RBFOX1: variants seen among roughly 807,000 people sequenced by gnomAD.
RBFOX1 encodes the protein RNA binding protein fox-1 homolog 1.
RBFOX1 carries 8 observed loss-of-function variants against 57.7 expected under a neutral mutation model. That is an observed-to-expected ratio of 0.14 (90% CI 0.08 to 0.25). RBFOX1 has a LOEUF of 0.25. Ranked by LOEUF, RBFOX1 falls within the 10% of genes least tolerant of loss-of-function variation. The pLI, the probability that RBFOX1 is intolerant of heterozygous loss-of-function variation, is 1.00. For synonymous variants in RBFOX1, 326 were observed against 222.4 expected, an observed-to-expected ratio of 1.47 and a Z score of -4.15; for missense variants, 611 against 548.5, an observed-to-expected ratio of 1.11 and a Z score of -1.14.
intron 4 of RBFOX1, among the ~76,000 whole-genome samples, chr16:7,176,876 TG>T (rs552104267): frequency 2.6e-5 from 4 of 152,114 alleles, no homozygotes; most frequent in East Asian, 1.9e-4. Flanking sequence ...AAAGCAGGAA[TG>T]GGGGGAGAGG....
chr16:5,959,470 C>T (rs542933789), intron 4 of RBFOX1, among the ~76,000 whole-genome samples: 3 of 152,118 alleles, frequency 2.0e-5, no homozygotes, highest in African/African-American at 4.8e-5. Flanking sequence ...CATACAATGA[C>T]AGGGGTGTTT....
At chr16:6,589,352 C>G (rs1226967951) in intron 2 of RBFOX1, among the ~76,000 whole-genome samples, 1 of 152,178 alleles carries the variant, frequency 6.6e-6, no homozygotes, top group African/African-American at 2.4e-5. Flanking sequence ...TGTTATTACT[C>G]AAATTAGTCT....
At chr16:7,396,029 C>A (rs765027058) in intron 4 of RBFOX1, among the ~76,000 whole-genome samples, 19 of 152,102 alleles carry the variant, frequency 1.2e-4, no homozygotes, top group Non-Finnish European at 2.4e-4. Flanking sequence ...GGAGAGGAGG[C>A]TCTTTCTGGG....
chr16:6,693,858 C>G (rs561208152), intron 3 of RBFOX1, among the ~76,000 whole-genome samples: 2 of 152,346 alleles, frequency 1.3e-5, no homozygotes, highest in East Asian at 3.9e-4. Context: ...TTCAGCAATT[C>G]TTTAGTGTTC....
intron 4 of RBFOX1, among the ~76,000 whole-genome samples, chr16:7,439,385 G>T (rs1224217263): frequency 1.3e-5 from 2 of 150,924 alleles, no homozygotes; most frequent in Middle Eastern, 6.8e-3. Context: ...AAAAAATCCA[G>T]CCTCACCTTT....
In RBFOX1 at chr16:6,058,648, A is replaced by G. The variant is rs556377621; in HGVS notation, c.-127+38656A>G. Among the ~76,000 whole-genome samples, 6 of 133,298 alleles carry G rather than the reference A, an allele frequency of 4.5e-5. No individual in the cohort carries two copies. In the East Asian group the frequency reaches 1.2e-3, roughly 26 times the overall value. The allele number at this position is 133,298 out of a possible 152,430, so 87.4% of individuals were successfully genotyped here. On this transcript the variant is annotated intron_variant, in intron 1 of 15. Transcript: ENST00000550418. The stretch of plus-strand genomic sequence containing the variant: ...CATCTACCCACCCATCCACCCATCC[A>G]TCCACCCATCCATCCATCCACCCAC...
intron 2 of RBFOX1, among the ~76,000 whole-genome samples, chr16:6,531,217 G>C (rs2096653651): frequency 6.6e-6 from 1 of 152,148 alleles, no homozygotes; most frequent in African/African-American, 2.4e-5. Flanking sequence ...CCAGCGCTCA[G>C]GGACATCTCT....
At chr16:5,965,035 GA>G (rs1456150872) in intron 4 of RBFOX1, among the ~76,000 whole-genome samples, 1 of 152,074 alleles carries the variant, frequency 6.6e-6, no homozygotes, top group Non-Finnish European at 1.5e-5. Flanking sequence ...GCCAGATACA[GA>G]AAGACACAAA....
intron 4 of RBFOX1, among the ~76,000 whole-genome samples, chr16:7,073,414 A>C (rs1181225737): frequency 1.3e-5 from 2 of 152,206 alleles, no homozygotes; most frequent in Non-Finnish European, 2.9e-5. Flanking sequence ...AAGAGCATGC[A>C]TGAGTTAGCC....
intron 3 of RBFOX1, among the ~76,000 whole-genome samples, chr16:5,827,944 C>G (rs1054047484): frequency 1.6e-5 from 2 of 122,118 alleles, no homozygotes; most frequent in South Asian, 3.3e-4. Flanking sequence ...CATCCACCCA[C>G]CCACCCACCC....
At chr16:6,794,282 T>A (rs1443118742) in intron 3 of RBFOX1, among the ~76,000 whole-genome samples, 13 of 101,424 alleles carry the variant, frequency 1.3e-4, no homozygotes, top group Non-Finnish European at 2.2e-4. Flanking sequence ...TGTTCGTGAT[T>A]TTTTTTTTTT....
chr16:5,282,806 T>C (rs2063304037), intron 1 of RBFOX1, among the ~76,000 whole-genome samples: 2 of 152,126 alleles, frequency 1.3e-5, no homozygotes, highest in Non-Finnish European at 2.9e-5. Context: ...GACGATGCAA[T>C]AGAAAAGAAA....
intron 4 of RBFOX1, among the ~76,000 whole-genome samples, chr16:7,321,944 G>C (rs1483088382): frequency 1.3e-5 from 2 of 152,190 alleles, no homozygotes; most frequent in Non-Finnish European, 2.9e-5. Context: ...TCCAATGAGA[G>C]GTTCAGCTGC....
intron 2 of RBFOX1, among the ~76,000 whole-genome samples, chr16:5,566,897 C>T (rs1240677164): frequency 6.6e-6 from 1 of 152,116 alleles, no homozygotes; most frequent in Non-Finnish European, 1.5e-5. Flanking sequence ...GGTCTGGACA[C>T]CACATACCAA....
intron 2 of RBFOX1, among the ~76,000 whole-genome samples, chr16:5,586,297 A>G (rs1294410620): frequency 6.6e-6 from 1 of 152,162 alleles, no homozygotes; most frequent in African/African-American, 2.4e-5. Flanking sequence ...AGTTGGTGGC[A>G]ATTGCGTGAC....
chr16:5,671,061 G>T (rs191396002), intron 3 of RBFOX1, among the ~76,000 whole-genome samples: 96 of 152,326 alleles, frequency 6.3e-4, no homozygotes, highest in African/African-American at 2.0e-3. Context: ...AGCAAATGCT[G>T]GGTGCTCTCA....
intron 2 of RBFOX1, among the ~76,000 whole-genome samples, chr16:6,411,415 C>A (rs1218523816): frequency 2.6e-5 from 4 of 152,122 alleles, no homozygotes; most frequent in African/African-American, 9.7e-5. Context: ...TGAACACATG[C>A]CTTTGTTGTT....
At chr16:7,009,569 G>C (rs2093548761) in intron 3 of RBFOX1, among the ~76,000 whole-genome samples, 1 of 152,092 alleles carries the variant, frequency 6.6e-6, no homozygotes, top group African/African-American at 2.4e-5. Context: ...GAATGAAAGT[G>C]CAGCAGTAAC....
chr16:6,991,375 C>G (rs2091423743), intron 3 of RBFOX1, among the ~76,000 whole-genome samples: 1 of 152,098 alleles, frequency 6.6e-6, no homozygotes, highest in Admixed American at 6.6e-5. Context: ...GGACAGGATG[C>G]CTGGGAGACA....
Sources: allele counts gnomAD v4.1 joint callset (sites outside exome capture counted in the v4.1 genomes callset), GRCh38; gene constraint gnomAD v4.1.1; transcripts MANE v1.5; gene names NCBI Gene and HGNC (gene_info 2026-07-23, HGNC 2026-07-21).